The following CYP39A1 variants were observed in gnomAD, a reference collection of about 807,000 sequenced individuals.
The protein encoded by CYP39A1 is 24-hydroxycholesterol 7-alpha-hydroxylase.
Under a neutral mutation model 58.1 loss-of-function variants are expected in CYP39A1, and 49 were observed. That is an observed-to-expected ratio of 0.84 (90% CI 0.67 to 1.07). The LOEUF (loss-of-function observed/expected upper bound fraction) is 1.07. CYP39A1 is among the 50% of genes least tolerant of loss of function. The pLI, the probability that CYP39A1 is intolerant of heterozygous loss-of-function variation, is 0.00. For synonymous variants in CYP39A1, 209 were observed against 187.6 expected, an observed-to-expected ratio of 1.11 and a Z score of -0.93; for missense variants, 531 against 539.4, an observed-to-expected ratio of 0.98 and a Z score of 0.16.
At chr6:46,618,108 T>A (rs1191912442) in intron 7 of CYP39A1, among the ~76,000 whole-genome samples, 1 of 152,180 alleles carries the variant, frequency 6.6e-6, no homozygotes, top group African/African-American at 2.4e-5. Context: ...TTCATATAAC[T>A]GATATAGTTG....
rs1040259404 is a variant in CYP39A1, at chr6:46,573,100, A to C, written c.1250+13977T>G. Among the ~76,000 whole-genome samples the C allele has an allele frequency of 3.9e-5, 6 of 152,090 alleles. No individual in the cohort carries two copies. The South Asian group carries it at 1.2e-3, about 32-fold the overall frequency. On this transcript the variant is annotated intron_variant, in intron 10 of 11. Transcript: ENST00000275016. ...TATTGAGTTCTCTTGTATCTTGCTG[A>C]GCTTCTCTAAAATAATTATTTTTAA...
chr6:46,627,544 G>A (rs891082928), intron 6 of CYP39A1, among the ~76,000 whole-genome samples: 13 of 151,538 alleles, frequency 8.6e-5, no homozygotes, highest in Non-Finnish European at 1.6e-4. Flanking sequence ...TCAGCCTTCC[G>A]AGTAGCTGGG....
chr6:46,637,607 T>C (rs1392888938), intron 4 of CYP39A1, among the ~76,000 whole-genome samples: 1 of 152,240 alleles, frequency 6.6e-6, no homozygotes, highest in African/African-American at 2.4e-5. Flanking sequence ...ATCCCATCGA[T>C]CTCTTTCTCT....
chr6:46,593,571 T>TA (rs879588311), intron 8 of CYP39A1, among the ~76,000 whole-genome samples: 3 of 152,138 alleles, frequency 2.0e-5, no homozygotes, highest in Non-Finnish European at 4.4e-5. Flanking sequence ...TAAGGTCAGT[T>TA]AAATAAATCA....
intron 7 of CYP39A1, among the ~76,000 whole-genome samples, chr6:46,618,275 C>G (rs1487365715): frequency 6.6e-6 from 1 of 152,072 alleles, no homozygotes; most frequent in African/African-American, 2.4e-5. Flanking sequence ...GCTTAAAGAA[C>G]TTGATAACTT....
At chr6:46,571,434 T>C (rs2150494306) in intron 10 of CYP39A1, among the ~76,000 whole-genome samples, 1 of 152,314 alleles carries the variant, frequency 6.6e-6, no homozygotes, top group Non-Finnish European at 1.5e-5. Flanking sequence ...TTTACAATTG[T>C]TTTACCCTCT....
chr6:46,560,348 G>C (rs1419828550), intron 10 of CYP39A1, among the ~76,000 whole-genome samples: 2 of 152,112 alleles, frequency 1.3e-5, no homozygotes, highest in East Asian at 3.8e-4. Flanking sequence ...AGAACAGGAT[G>C]GTAGAAATAG....
intron 10 of CYP39A1, among the ~76,000 whole-genome samples, chr6:46,557,020 T>C (rs1770697559): frequency 6.6e-6 from 1 of 152,036 alleles, no homozygotes. Context: ...TTAAAAATAA[T>C]TGTGCTTCTA....
intron 7 of CYP39A1, among the ~76,000 whole-genome samples, chr6:46,602,926 G>GGT (rs1554161694): frequency 2.2e-5 from 3 of 137,440 alleles, no homozygotes; most frequent in East Asian, 2.5e-4. Context: ...TATAAAATGG[G>GGT]GGGGGGGAGC....
chr6:46,585,443 G>A (rs531001271), intron 10 of CYP39A1, among the ~76,000 whole-genome samples: 49 of 152,204 alleles, frequency 3.2e-4, no homozygotes, highest in Non-Finnish European at 5.3e-4. Context: ...CTATTCTTAG[G>A]ACATTGACAT....
intron 11 of CYP39A1, among the ~76,000 whole-genome samples, chr6:46,551,450 A>G (rs184841851): frequency 4.6e-5 from 7 of 152,242 alleles, no homozygotes; most frequent in African/African-American, 1.7e-4. Flanking sequence ...CAAGAGAATT[A>G]AAGTTGACTT....
chr6:46,621,679 T>C (rs563838179), intron 7 of CYP39A1, among the ~76,000 whole-genome samples: 2 of 152,226 alleles, frequency 1.3e-5, no homozygotes, highest in African/African-American at 4.8e-5. Flanking sequence ...AAAAAACTTC[T>C]CAAAAAGAAA....
At chr6:46,578,065 C>T (rs1356216918) in intron 10 of CYP39A1, among the ~76,000 whole-genome samples, 1 of 151,964 alleles carries the variant, frequency 6.6e-6, no homozygotes, top group East Asian at 1.9e-4. Context: ...AAACCAAAAC[C>T]ATACCAACCA....
chr6:46,580,429 C>T (rs956500470), intron 10 of CYP39A1, among the ~76,000 whole-genome samples: 2 of 152,130 alleles, frequency 1.3e-5, no homozygotes, highest in Non-Finnish European at 2.9e-5. Flanking sequence ...AACTACCATT[C>T]TGGACATAGG....
At chr6:46,551,864 A>C (rs768523790) in intron 11 of CYP39A1, among the ~76,000 whole-genome samples, 8 of 152,302 alleles carry the variant, frequency 5.3e-5, no homozygotes, top group African/African-American at 4.8e-5. Flanking sequence ...CAAGTTCAAT[A>C]GTTAAATAAA....
chr6:46,593,106 TA>T (rs1772941230), intron 8 of CYP39A1, among the ~76,000 whole-genome samples: 1 of 152,124 alleles, frequency 6.6e-6, no homozygotes, highest in East Asian at 1.9e-4. Context: ...GAATTAGTGT[TA>T]AAAAAATTTT....
intron 7 of CYP39A1, among the ~76,000 whole-genome samples, chr6:46,612,218 C>T (rs1774258526): frequency 6.6e-6 from 1 of 152,166 alleles, no homozygotes; most frequent in Admixed American, 6.5e-5. Flanking sequence ...TCACAAGACC[C>T]ACTTTGGGTA....
intron 1 of CYP39A1, among the ~76,000 whole-genome samples, chr6:46,646,412 T>C (rs931660673): frequency 2.6e-5 from 4 of 152,132 alleles, no homozygotes; most frequent in Non-Finnish European, 5.9e-5. Flanking sequence ...CAGCAGCCTA[T>C]GTGGATTGAC....
intron 11 of CYP39A1, among the ~76,000 whole-genome samples, chr6:46,552,538 T>A (rs917267155): frequency 6.6e-6 from 1 of 152,200 alleles, no homozygotes; most frequent in Non-Finnish European, 1.5e-5. Flanking sequence ...TATTTATCTC[T>A]CCATACATTA....
Sources: allele counts gnomAD v4.1 joint callset (sites outside exome capture counted in the v4.1 genomes callset), GRCh38; gene constraint gnomAD v4.1.1; transcripts MANE v1.5; gene names NCBI Gene and HGNC (gene_info 2026-07-23, HGNC 2026-07-21).